The following HIGD1A variants were observed in gnomAD, a reference collection of about 807,000 sequenced individuals.
The protein encoded by HIGD1A is HIG1 domain family member 1A, mitochondrial.
HIGD1A carries 8 observed loss-of-function variants against 11.3 expected under a neutral mutation model. The observed-to-expected ratio is 0.71, with a 90% CI of 0.42 to 1.28. The LOEUF (loss-of-function observed/expected upper bound fraction) is 1.28, where lower values mean the gene tolerates loss of function less well. Ranked by LOEUF, HIGD1A falls within the 50% of genes most tolerant of loss-of-function variation. The probability of loss-of-function intolerance (pLI) is 0.01; values close to 1 mark genes in which losing one functional copy is unlikely to be tolerated. For missense variants in HIGD1A, 107 were observed against 118.8 expected, an observed-to-expected ratio of 0.90 and a Z score of 0.46; for synonymous variants, 32 against 38.4, an observed-to-expected ratio of 0.83 and a Z score of 0.62.
intron 1 of HIGD1A, among the ~76,000 whole-genome samples, chr3:42,795,219 CT>C (rs5848631): frequency 0.91 from 116,247 of 127,670 alleles, 53,319 homozygotes; most frequent in Non-Finnish European, 0.98. Context: ...TTATGATTAG[CT>C]TTTTTTTTTT....
At chr3:42,794,362 C>A in intron 1 of HIGD1A, 87 bp from the exon 2 acceptor site, 4 of 1,217,562 alleles carry the variant, frequency 3.3e-6, no homozygotes, top group Non-Finnish European at 4.4e-6. Flanking sequence ...TTCCTAACTT[C>A]CATGAGAATC....
At chr3:42,802,887 A>AT (rs1700585546) in intron 1 of HIGD1A, among the ~76,000 whole-genome samples, 1 of 152,246 alleles carries the variant, frequency 6.6e-6, no homozygotes, top group Admixed American at 6.5e-5. Context: ...AAATTGGCAG[A>AT]TAAGAATTCT....
chr3:42,794,158 A>T lies in HIGD1A; in HGVS notation c.96T>A (p.Val32=). The T allele has an allele frequency of 6.2e-7, 1 of 1,600,536 alleles. No individual in the cohort carries two copies. The highest frequency in any genetic ancestry group is 8.5e-7 in the Non-Finnish European group (1 of 1,176,226). Residue 32 remains valine, a splice_region_variant and synonymous_variant, in exon 2 of 4, where the codon GTT becomes GTA. Coordinates refer to ENST00000321331, the MANE Select transcript of HIGD1A (RefSeq NM_014056.4). The part of the protein sequence containing the change: ...RKAKEAPFVP[V]GIAGFAAIVA... ...TACTAAAATGTCAGTCAAACTTACC[A>T]ACGGGTACGAATGGTGCCTCTTTAG...
At chr3:42,787,594 A>AAAAAAT (rs1383516264) in intron 2 of HIGD1A, among the ~76,000 whole-genome samples, 1 of 141,256 alleles carries the variant, frequency 7.1e-6, no homozygotes, top group African/African-American at 2.6e-5. Context: ...CCATCTCAAA[A>AAAAAAT]ATATATATAT....
intron 2 of HIGD1A, among the ~76,000 whole-genome samples, chr3:42,786,514 C>T (rs1052659622): frequency 2.6e-5 from 4 of 152,216 alleles, no homozygotes; most frequent in African/African-American, 9.7e-5. Context: ...CATTTCCTCT[C>T]TGTCCTATTT....
chr3:42,788,130 C>T (rs866221722), intron 2 of HIGD1A, among the ~76,000 whole-genome samples: 30 of 151,988 alleles, frequency 2.0e-4, no homozygotes, highest in Middle Eastern at 3.4e-3. Flanking sequence ...AAAATAAAAA[C>T]AGTACTGGTT....
chr3:42,803,536 T>A (rs538983643), intron 1 of HIGD1A, among the ~76,000 whole-genome samples: 1 of 152,300 alleles, frequency 6.6e-6, no homozygotes, highest in Admixed American at 6.5e-5. Context: ...ACTCCAAATA[T>A]GTGTGTCATG....
rs145335948 is a variant in HIGD1A, at chr3:42,792,399, C to T, written c.97+1758G>A. Reference sequence around the variant, plus strand: ...TCTTAAAAGTGGAGTTTTGGCCGGGCGCGGTGGCTCACGCCTATAATTCCA... The same window carrying T: ...TCTTAAAAGTGGAGTTTTGGCCGGGTGCGGTGGCTCACGCCTATAATTCCA... On this transcript the variant is annotated intron_variant, in intron 2 of 3. Coordinates refer to ENST00000321331, the MANE Select transcript of HIGD1A (RefSeq NM_014056.4). Among the ~76,000 whole-genome samples, 85 of 152,270 alleles carry T rather than the reference C, an allele frequency of 5.6e-4. No individual in the cohort carries two copies. In the East Asian group the frequency reaches 0.014, roughly 25 times the overall value.
At chr3:42,786,317 C>T (rs1700350667) in intron 2 of HIGD1A, among the ~76,000 whole-genome samples, 155 bp from the exon 3 acceptor site, 1 of 152,102 alleles carries the variant, frequency 6.6e-6, no homozygotes, top group Non-Finnish European at 1.5e-5. Flanking sequence ...TTTCCCCTAT[C>T]AAAACCAAAA....
rs1700328483 is a variant in HIGD1A at position 42,784,737 on chromosome 3, A to C, written c.*534T>G. On this transcript the variant is annotated 3_prime_UTR_variant, in exon 4 of 4. Transcript: ENST00000321331. ...ATACTATTATGCAGCTCTATTGTTTAAGCTTTCTGGATTTGGTTTAAACAC... is the reference window on the plus strand; with the variant it reads ...ATACTATTATGCAGCTCTATTGTTTCAGCTTTCTGGATTTGGTTTAAACAC... The C allele has an allele frequency of 6.5e-6, 1 of 152,790 alleles. No individual in the cohort carries two copies. Among genetic ancestry groups the C allele is most frequent in the Non-Finnish European group, 1.5e-5 (1 of 68,152 alleles). The allele number at this position is 152,790 out of a possible 1,614,324, so 9.5% of individuals were successfully genotyped here.
rs1700300787 is a variant in HIGD1A, at chr3:42,783,157, G to A, written c.*2114C>T. On this transcript the variant is annotated 3_prime_UTR_variant, in exon 4 of 4. Coordinates refer to ENST00000321331, the MANE Select transcript of HIGD1A (RefSeq NM_014056.4). ...CTGTGGAACTAAGAAATGTGAGGAT[G>A]ACAACAGAATGTAAATATTATATGT... is the stretch of plus-strand genomic sequence containing the variant. Among the ~76,000 whole-genome samples, 1 of 152,136 alleles carries A rather than the reference G, an allele frequency of 6.6e-6. No individual in the cohort carries two copies.
chr3:42,795,280 G>A (rs535674723), intron 1 of HIGD1A, among the ~76,000 whole-genome samples: 46 of 150,084 alleles, frequency 3.1e-4, no homozygotes, highest in Non-Finnish European at 5.3e-4. Context: ...GTGCAATGGC[G>A]TAGTCTTGGT....
Position 42,794,249 on chromosome 3 carries a change from G to A in HIGD1A, c.5C>T (p.Ser2Leu), listed in dbSNP as rs1224832446. The change falls in exon 2 of 4, where the codon TCA becomes TTA. Residue 2 changes from serine (S) to leucine (L), a missense_variant. Ser to Leu is a moderately radical substitution (Grantham distance 145). Coordinates refer to ENST00000321331, the MANE Select transcript of HIGD1A (RefSeq NM_014056.4). Reference sequence around the variant, plus strand: ...AGGAAGGGAAACACCTGTGTCTGTTGACATAGTGATTGCTTGAAGAATCTC... The same window carrying A: ...AGGAAGGGAAACACCTGTGTCTGTTAACATAGTGATTGCTTGAAGAATCTC... M[S>L]TDTGVSLPSY... The A allele has an allele frequency of 6.3e-7, 1 of 1,595,070 alleles. No individual in the cohort carries two copies. The highest frequency in any genetic ancestry group is 8.5e-7 in the Non-Finnish European group (1 of 1,174,468).
chr3:42,796,453 A>T, intron 1 of HIGD1A, among the ~76,000 whole-genome samples: 1 of 151,912 alleles, frequency 6.6e-6, no homozygotes, highest in East Asian at 1.9e-4. Context: ...TTTTAAAAAA[A>T]AAAGAGAAAT....
At chr3:42,791,079 A>G (rs921031870) in intron 2 of HIGD1A, among the ~76,000 whole-genome samples, 2 of 152,242 alleles carry the variant, frequency 1.3e-5, no homozygotes, top group African/African-American at 4.8e-5. Context: ...AACAAAATAC[A>G]TACAGTAGTT....
chr3:42,794,112 C>A, intron 2 of HIGD1A, 45 bp downstream of exon 2: 1 of 1,556,776 alleles, frequency 6.4e-7, no homozygotes. Flanking sequence ...CAAATTATCA[C>A]GGCTCTACCA....
Position 42,783,038 on chromosome 3 carries a change from G to T in HIGD1A, c.*2233C>A, listed in dbSNP as rs1335473596. Among the ~76,000 whole-genome samples, 1 of 152,152 alleles carries T rather than the reference G, an allele frequency of 6.6e-6. No individual in the cohort carries two copies. On this transcript the variant is annotated 3_prime_UTR_variant, in exon 4 of 4. Transcript: ENST00000321331. ...GACATGGCAAAAATTTAGGGAAATTGTTCCATGAGTCTTTTTTAAGGAAAC... is the reference window on the plus strand; with the variant it reads ...GACATGGCAAAAATTTAGGGAAATTTTTCCATGAGTCTTTTTTAAGGAAAC...
intron 2 of HIGD1A, among the ~76,000 whole-genome samples, chr3:42,789,517 T>C (rs377033510): frequency 7.8e-6 from 1 of 128,854 alleles, no homozygotes; most frequent in Admixed American, 7.6e-5. Flanking sequence ...AAAAAAATTT[T>C]AATAAAAAAT....
intron 1 of HIGD1A, among the ~76,000 whole-genome samples, chr3:42,802,146 C>T (rs2125596186): frequency 6.6e-6 from 1 of 151,640 alleles, no homozygotes; most frequent in African/African-American, 2.4e-5. Context: ...TCCAACAGGT[C>T]AATGGAGCAA....
Sources: allele counts gnomAD v4.1 joint callset (sites outside exome capture counted in the v4.1 genomes callset), GRCh38; gene constraint gnomAD v4.1.1; transcripts MANE v1.5; gene names NCBI Gene and HGNC (gene_info 2026-07-23, HGNC 2026-07-21).